Variants in ZNF311 observed in about 807,000 individuals in gnomAD.
ZNF311 encodes zinc finger protein zfp31.
In ZNF311, 14 loss-of-function variants were observed where a neutral mutation model predicts 22.7. That is an observed-to-expected ratio of 0.62 (90% confidence interval 0.41 to 0.96). The LOEUF is 0.96. Among genes scored for constraint, ZNF311 ranks in the 40% least tolerant of loss-of-function variants. The probability of loss-of-function intolerance (pLI) is 0.00; values close to 1 mark genes in which losing one functional copy is unlikely to be tolerated. For missense variants in ZNF311, 731 were observed against 799.0 expected (o/e 0.91, Z 1.03); for synonymous variants, 250 against 275.3 (o/e 0.91, Z 0.91).
chr6:29,001,868 G>C (rs530562981), intron 3 of ZNF311, among the ~76,000 whole-genome samples: 1 of 152,124 alleles, frequency 6.6e-6, no homozygotes, highest in Non-Finnish European at 1.5e-5. Flanking sequence ...AGTTTAACAT[G>C]TATATCATTA....
At chr6:28,999,229 G>A (rs1780082244) in intron 5 of ZNF311, among the ~76,000 whole-genome samples, 1 of 151,962 alleles carries the variant, frequency 6.6e-6, no homozygotes, top group Admixed American at 6.6e-5. Context: ...AGAGGCTTGA[G>A]GAAGCAAGAA....
chr6:28,997,929 TAAG>T (rs1245050141), intron 6 of ZNF311, among the ~76,000 whole-genome samples: 1 of 152,148 alleles, frequency 6.6e-6, no homozygotes, highest in Non-Finnish European at 1.5e-5. Context: ...TTAAATTCCT[TAAG>T]AAAACTCCCA....
In ZNF311 at chr6:28,994,880, G is replaced by C. The variant is rs191978531; in HGVS notation, c.*121C>G. The C allele has an allele frequency of 3.6e-3, 4,128 of 1,149,084 alleles. 33 individuals are homozygous for C. The highest frequency in any genetic ancestry group is 0.021 in the South Asian group (1,207 of 57,780). 71.2% of individuals were successfully genotyped at this position (1,149,084 alleles called of 1,614,324 possible). On this transcript the variant is annotated 3_prime_UTR_variant, in exon 7 of 7. Transcript: ENST00000377179. ...AAAAATAGTGAATAAGAAGGTAAAG[G>C]ACAATGTCTTTGGGGAATCTCACAA... is the stretch of plus-strand genomic sequence containing the variant.
At position 28,995,786 on chromosome 6, in the gene ZNF311, T is replaced by A. The variant is rs771754606; in HGVS notation, c.1216A>T (p.Ile406Leu). The A allele has an allele frequency of 6.2e-7, 1 of 1,613,946 alleles. No individual in the cohort carries two copies. The highest frequency in any genetic ancestry group is 8.5e-7 in the Non-Finnish European group (1 of 1,180,004). Residue 406 changes from isoleucine to leucine, a missense_variant, in exon 7 of 7, where the codon ATA (isoleucine) becomes TTA (leucine). Transcript: ENST00000377179. The surrounding 1 kb of genome is among the most constrained non-coding windows in gnomAD (Gnocchi z 4.7). ...FSGSSDLTKH[I>L]RIHTGERPYE... Reference sequence around the variant, plus strand: ...GGTCGTTCCCCAGTGTGGATTCTTATGTGTTTGGTGAGGTCTGAACTCCCA... The same window carrying A: ...GGTCGTTCCCCAGTGTGGATTCTTAAGTGTTTGGTGAGGTCTGAACTCCCA...
chr6:28,995,858 T>C lies in ZNF311; in HGVS notation c.1144A>G (p.Thr382Ala). 6.2e-7 allele frequency: 1 copy of C among 1,614,076 alleles called. No homozygotes were observed. The highest frequency in any genetic ancestry group is 1.1e-5 in the South Asian group (1 of 91,086). The change falls in exon 7 of 7, where the codon ACT becomes GCT. Residue 382 changes from threonine (T) to alanine (A), a missense_variant. Thr to Ala is a moderately conservative substitution (Grantham distance 58, BLOSUM62 0). Transcript: ENST00000377179. This position sits in a 1 kb window ranked among gnomAD's most constrained non-coding sequence, Gnocchi z 4.7. ...TCACATTCATATGGCTTCTCCCCAG[T>C]GTGGATTCTGCCATGGATGGTAAGG... ...HSLTIHGRIH[T>A]GEKPYECEEC...
In ZNF311 at chr6:28,995,546, G is replaced by A. The variant is rs9295783; in HGVS notation, c.1456C>T (p.Arg486Cys). The A allele has an allele frequency of 3.7e-3, 6,005 of 1,613,712 alleles. 167 individuals carry two copies. The African/African-American group carries it at 0.068, about 18-fold the overall frequency. ...CGKAFRHNCK[R>C]RAHEREHTGE... ...GTATGCTCTCGTTCATGAGCCCTGCGCTTACAGTTATGACGAAAGGCTTTC... is the reference window on the plus strand; with the variant it reads ...GTATGCTCTCGTTCATGAGCCCTGCACTTACAGTTATGACGAAAGGCTTTC... The change falls in exon 7 of 7, where the codon CGC becomes TGC. Residue 486 changes from arginine to cysteine, a missense_variant. Transcript: ENST00000377179. The surrounding 1 kb of genome is among the most constrained non-coding windows in gnomAD (Gnocchi z 4.7).
chr6:28,998,971 T>C, intron 5 of ZNF311, 133 bp from the exon 6 acceptor site: 1 of 578,844 alleles, frequency 1.7e-6, no homozygotes, highest in African/African-American at 1.9e-5. Flanking sequence ...GAGAAAAGGG[T>C]TTTTCAGGGG....
chr6:28,999,780 A>T (rs1167956475), intron 4 of ZNF311, 167 bp from the exon 5 acceptor site: 1 of 1,259,182 alleles, frequency 7.9e-7, no homozygotes, highest in Non-Finnish European at 1.1e-6. Flanking sequence ...TTTTGATAGC[A>T]AAAAATAATG....
rs751738332 is a variant in ZNF311, at chr6:28,995,269, G to C, written c.1733C>G (p.Thr578Ser). Reference protein sequence around the residue: ...SVLRQHKRIHTGEKPYTCSEC... With the variant: ...SVLRQHKRIHSGEKPYTCSEC... ...ACTGCAGGTGTATGGCTTCTCACCA[G>C]TGTGGATTCTTTTGTGCTGCCTCAG... The change falls in exon 7 of 7, where the codon ACT becomes AGT. Residue 578 changes from threonine to serine, a missense_variant. Physicochemically the swap from Thr to Ser is moderately conservative, Grantham distance 58. Coordinates refer to ENST00000377179, the MANE Select transcript of ZNF311 (RefSeq NM_001382360.1). The surrounding 1 kb of genome is among the most constrained non-coding windows in gnomAD (Gnocchi z 4.7). 1.2e-6 allele frequency: 2 copies of C among 1,613,960 alleles called. No individual in the cohort carries two copies. The highest frequency in any genetic ancestry group is 1.7e-6 in the Non-Finnish European group (2 of 1,180,058).
In ZNF311 at chr6:28,996,211, A is replaced by T; in HGVS notation, c.791T>A (p.Leu264His). The T allele has an allele frequency of 6.2e-7, 1 of 1,613,434 alleles. No homozygotes were observed. Among genetic ancestry groups the T allele is most frequent in the South Asian group, 1.1e-5 (1 of 91,086 alleles). ...CTCACCAGAATGAATTTGCTCATGG[A>T]GAATTAGATCTGAGTGCCAACTGAA... ...KNFSWHSDLI[L>H]HEQIHSGEKP... The change falls in exon 7 of 7, where the codon CTC becomes CAC. Residue 264 changes from leucine (L) to histidine (H), a missense_variant. Leu to His is a moderately conservative substitution (Grantham distance 99). Coordinates refer to ENST00000377179, the MANE Select transcript of ZNF311 (RefSeq NM_001382360.1).
chr6:29,003,742 T>C, intron 2 of ZNF311, 148 bp from the exon 3 acceptor site: 1 of 1,404,840 alleles, frequency 7.1e-7, no homozygotes, highest in Admixed American at 1.9e-5. Context: ...CAGTTCCTAA[T>C]ACCTTATGAA....
intron 6 of ZNF311, among the ~76,000 whole-genome samples, chr6:28,998,451 C>T (rs1431278877): frequency 6.6e-6 from 1 of 152,170 alleles, no homozygotes; most frequent in African/African-American, 2.4e-5. Flanking sequence ...CTTGGCCTCC[C>T]AAATTGCTGG....
rs973613855 is a variant in ZNF311 at position 28,994,915 on chromosome 6, A to C, written c.*86T>G. The C allele has an allele frequency of 2.2e-6, 3 of 1,394,280 alleles. No homozygotes were observed. The African/African-American group carries it at 4.3e-5, about 20-fold the overall frequency. The allele number at this position is 1,394,280 out of a possible 1,614,324, so 86.4% of individuals were successfully genotyped here. On this transcript the variant is annotated 3_prime_UTR_variant, in exon 7 of 7. Coordinates refer to ENST00000377179, the MANE Select transcript of ZNF311 (RefSeq NM_001382360.1). ...TTGGGGAATCTCACAATTAAGGGTCAGGAAATCAGGAATAACTAATATAAG... is the reference window on the plus strand; with the variant it reads ...TTGGGGAATCTCACAATTAAGGGTCCGGAAATCAGGAATAACTAATATAAG...
In ZNF311 at chr6:28,995,999, C is replaced by T. The variant is rs371840973; in HGVS notation, c.1003G>A (p.Asp335Asn). The change falls in exon 7 of 7, where the codon GAC becomes AAC. Residue 335 changes from aspartate (D) to asparagine (N), a missense_variant. Transcript: ENST00000377179. This position sits in a 1 kb window ranked among gnomAD's most constrained non-coding sequence, Gnocchi z 4.7. The stretch of plus-strand genomic sequence containing the variant: ...CTGGTCTTGAAGGCCTTCCCACAGT[C>T]CCTGCACTCGTGAGGCTTCTCCCCA... ...HSGEKPHECR[D>N]CGKAFKTRNR... The T allele has an allele frequency of 4.3e-6, 7 of 1,613,620 alleles. No homozygotes were observed. The highest frequency in any genetic ancestry group is 2.2e-5 in the East Asian group (1 of 44,888).
At chr6:29,001,369 C>T (rs956306963) in intron 3 of ZNF311, among the ~76,000 whole-genome samples, 1 of 152,098 alleles carries the variant, frequency 6.6e-6, no homozygotes, top group African/African-American at 2.4e-5. Context: ...CTGAAATTGC[C>T]CAAGAAGACT....
Position 29,004,157 on chromosome 6 carries a change from C to A in ZNF311, c.-203G>T. Reference sequence around the variant, plus strand: ...GTTTGGCTTAATGTGTCAAACACTGCCCTGGATTTGGGGTTCATTAGCAAC... The same window carrying A: ...GTTTGGCTTAATGTGTCAAACACTGACCTGGATTTGGGGTTCATTAGCAAC... On this transcript the variant is annotated 5_prime_UTR_variant, in exon 2 of 7. Transcript: ENST00000377179. 6.9e-7 allele frequency: 1 copy of A among 1,458,500 alleles called. No individual in the cohort carries two copies. The highest frequency in any genetic ancestry group is 1.4e-5 in the South Asian group (1 of 69,094). The allele number at this position is 1,458,500 out of a possible 1,614,324, so 90.3% of individuals were successfully genotyped here.
At position 28,998,928 on chromosome 6, in the gene ZNF311, T is replaced by C. The variant is rs940925505; in HGVS notation, c.311-90A>G. 7 of 809,624 alleles carry C rather than the reference T, an allele frequency of 8.6e-6. No individual in the cohort carries two copies. The African/African-American group carries it at 1.0e-4, about 12-fold the overall frequency. 50.2% of individuals were successfully genotyped at this position (809,624 alleles called of 1,614,324 possible). A position where few individuals can be genotyped will look rare whatever the true frequency, so the allele number is the denominator to read the frequency against. ...AGCAGCCCTGATCCTTCTGTTTGTA[T>C]ATGAAAACAGGAAAGAAATGTTAAT... On this transcript the variant is annotated intron_variant, in intron 5 of 6. Coordinates refer to ENST00000377179, the MANE Select transcript of ZNF311 (RefSeq NM_001382360.1).
rs1256303177 is a variant in ZNF311, at chr6:28,995,498, T to C, written c.1504A>G (p.Arg502Gly). ...EHTGEKPYQC[R>G]DCGKTFQDKH... ...TCTTGGAAGGTTTTCCCACAATCCC[T>C]GCATTGATAGGGCTTCTCCCCTGTA... is the stretch of plus-strand genomic sequence containing the variant. Residue 502 changes from arginine (R) to glycine (G), a missense_variant, in exon 7 of 7, where the codon AGG (arginine) becomes GGG (glycine). By Grantham distance (125) the Arg-to-Gly change is moderately radical. Coordinates refer to ENST00000377179, the MANE Select transcript of ZNF311 (RefSeq NM_001382360.1). This position sits in a 1 kb window ranked among gnomAD's most constrained non-coding sequence, Gnocchi z 4.7. 1 of 1,613,180 alleles carries C rather than the reference T, an allele frequency of 6.2e-7. No homozygotes were observed. The highest frequency in any genetic ancestry group is 8.5e-7 in the Non-Finnish European group (1 of 1,179,614).
intron 3 of ZNF311, among the ~76,000 whole-genome samples, 165 bp downstream of exon 3, chr6:29,003,348 T>C (rs569310546): frequency 1.3e-5 from 2 of 152,346 alleles, no homozygotes; most frequent in Admixed American, 1.3e-4. Flanking sequence ...ATTTAGTTCC[T>C]CTAGATATTG....
Sources: allele counts gnomAD v4.1 joint callset (sites outside exome capture counted in the v4.1 genomes callset), GRCh38; gene constraint gnomAD v4.1.1; non-coding constraint Gnocchi (gnomAD v3.1); transcripts MANE v1.5; gene names NCBI Gene and HGNC (gene_info 2026-07-23, HGNC 2026-07-21).